ABCC12: variants seen among roughly 807,000 people sequenced by gnomAD.
The protein encoded by ABCC12 is ATP binding cassette subfamily C member 12, also known as ATP-binding cassette sub-family C member 12.
ABCC12 carries 142 observed loss-of-function variants against 151.1 expected under a neutral mutation model. The ratio of observed to expected loss-of-function variants is 0.94; its 90% CI spans 0.82 to 1.08. The LOEUF (loss-of-function observed/expected upper bound fraction) is 1.08, where lower values mean the gene tolerates loss of function less well. Among genes scored for constraint, ABCC12 ranks in the 50% least tolerant of loss-of-function variants. The pLI is 0.00. For synonymous variants in ABCC12, 645 were observed against 646.4 expected (o/e 1.00, Z 0.03); for missense variants, 1,638 against 1,691.1 (o/e 0.97, Z 0.55).
chr16:48,126,637 T>G (rs1293136173), intron 11 of ABCC12, among the ~76,000 whole-genome samples: 1 of 152,214 alleles, frequency 6.6e-6, no homozygotes, highest in Non-Finnish European at 1.5e-5. Context: ...AAATGGGTAC[T>G]TCTATGAAAT....
intron 9 of ABCC12, 70 bp downstream of exon 9, chr16:48,133,617 G>A (rs1964505416): frequency 6.4e-7 from 1 of 1,568,858 alleles, no homozygotes; most frequent in Non-Finnish European, 8.7e-7. Context: ...GCGACGGTAG[G>A]AAGGGCTTCC....
intron 25 of ABCC12, 79 bp downstream of exon 25, chr16:48,091,041 G>C (rs1416377820): frequency 7.3e-7 from 1 of 1,373,704 alleles, no homozygotes; most frequent in Admixed American, 1.7e-5. Flanking sequence ...GACCCCTTTC[G>C]CATCTAAAAA....
At chr16:48,099,646 T>C (rs937331596) in intron 23 of ABCC12, among the ~76,000 whole-genome samples, 2 of 152,206 alleles carry the variant, frequency 1.3e-5, no homozygotes, top group African/African-American at 4.8e-5. Context: ...GACTCCAATG[T>C]GGCCAAGGAA....
intron 11 of ABCC12, among the ~76,000 whole-genome samples, chr16:48,125,401 G>C (rs1964206804): frequency 6.6e-6 from 1 of 152,202 alleles, no homozygotes; most frequent in Admixed American, 6.5e-5. Flanking sequence ...ATGGAGGTGT[G>C]CAGAGCCCTT....
intron 5 of ABCC12, 86 bp from the exon 6 acceptor site, chr16:48,141,006 C>G: frequency 7.0e-7 from 1 of 1,430,952 alleles, no homozygotes; most frequent in South Asian, 1.3e-5. Context: ...AGCAAGCTGA[C>G]TTTAAGAGGC....
chr16:48,141,562 C>A (rs890870583), intron 4 of ABCC12, among the ~76,000 whole-genome samples: 38 of 152,208 alleles, frequency 2.5e-4, no homozygotes, highest in African/African-American at 8.7e-4. Context: ...AGCTGGTATG[C>A]CTGTGACATC....
chr16:48,117,903 G>A (rs976532460), intron 13 of ABCC12, among the ~76,000 whole-genome samples: 5 of 152,196 alleles, frequency 3.3e-5, no homozygotes, highest in African/African-American at 1.2e-4. Flanking sequence ...GCAACAACTC[G>A]GGATACTGAG....
chr16:48,103,043 G>C (rs1006623425), intron 22 of ABCC12, among the ~76,000 whole-genome samples: 3 of 152,150 alleles, frequency 2.0e-5, no homozygotes, highest in African/African-American at 7.2e-5. Flanking sequence ...TGACCTTTCT[G>C]TAGCTCCATT....
chr16:48,080,923 C>A lies in ABCC12; in HGVS notation c.*2792G>T, dbSNP rs757386377. On this transcript the variant is annotated 3_prime_UTR_variant, in exon 31 of 31. Transcript: ENST00000311303. ...GAAATTTATTGCTCACAGTTCTGGA[C>A]GCTGGGAAATCCATGGTCGAGGTGC... 6.6e-6 allele frequency among the ~76,000 whole-genome samples: 1 copy of A among 152,150 alleles called. No individual in the cohort carries two copies. Among genetic ancestry groups the A allele is most frequent in the Non-Finnish European group, 1.5e-5 (1 of 68,030 alleles).
At chr16:48,143,666 A>G (rs530049986) in intron 4 of ABCC12, among the ~76,000 whole-genome samples, 9 of 152,158 alleles carry the variant, frequency 5.9e-5, no homozygotes, top group Non-Finnish European at 1.3e-4. Flanking sequence ...TTGTGATAGT[A>G]AGTCTCATGA....
intron 25 of ABCC12, among the ~76,000 whole-genome samples, chr16:48,090,771 T>C (rs764545177): frequency 1.3e-5 from 2 of 152,036 alleles, no homozygotes; most frequent in Non-Finnish European, 2.9e-5. Flanking sequence ...CTTGTTGTCC[T>C]GGCTGGAGGG....
intron 14 of ABCC12, among the ~76,000 whole-genome samples, chr16:48,116,488 T>C (rs1029492166): frequency 2.6e-5 from 4 of 152,072 alleles, no homozygotes; most frequent in East Asian, 1.9e-4. Flanking sequence ...ACTCAAAGGA[T>C]AGTGATGTCA....
At chr16:48,095,064 G>C (rs1414901743) in intron 24 of ABCC12, among the ~76,000 whole-genome samples, 1 of 152,210 alleles carries the variant, frequency 6.6e-6, no homozygotes, top group Non-Finnish European at 1.5e-5. Context: ...GGGAAAAAAA[G>C]ACTCTAACTG....
chr16:48,106,277 G>A (rs931264247), intron 20 of ABCC12, among the ~76,000 whole-genome samples: 8 of 152,206 alleles, frequency 5.3e-5, no homozygotes, highest in Admixed American at 3.3e-4. Flanking sequence ...TTGTGCTGGG[G>A]CACCAGGGCC....
chr16:48,098,282 G>T (rs981406685), intron 23 of ABCC12, among the ~76,000 whole-genome samples: 2 of 152,128 alleles, frequency 1.3e-5, no homozygotes, highest in African/African-American at 4.8e-5. Context: ...CCCTGATCTA[G>T]TGGGGAAGGG....
In ABCC12 at chr16:48,081,736, G is replaced by C. The variant is rs1218814933; in HGVS notation, c.*1979C>G. Reference sequence around the variant, plus strand: ...TGCCAGAGTAAACCAAAGCGAGTGTGGGCAGAAAAGGAGTCATAGGAGGTG... The same window carrying C: ...TGCCAGAGTAAACCAAAGCGAGTGTCGGCAGAAAAGGAGTCATAGGAGGTG... On this transcript the variant is annotated 3_prime_UTR_variant, in exon 31 of 31. Coordinates refer to ENST00000311303, the MANE Select transcript of ABCC12 (RefSeq NM_001393797.1). Among the ~76,000 whole-genome samples the C allele has an allele frequency of 6.6e-6, 1 of 152,198 alleles. No individual in the cohort carries two copies. Among genetic ancestry groups the C allele is most frequent in the Non-Finnish European group, 1.5e-5 (1 of 68,034 alleles).
intron 11 of ABCC12, among the ~76,000 whole-genome samples, chr16:48,124,985 G>T (rs1324612391): frequency 6.6e-6 from 1 of 152,178 alleles, no homozygotes; most frequent in South Asian, 2.1e-4. Flanking sequence ...AAATAAAGCA[G>T]GGAAGAGACA....
At chr16:48,106,217 T>C (rs879412126) in intron 20 of ABCC12, among the ~76,000 whole-genome samples, 1 of 151,486 alleles carries the variant, frequency 6.6e-6, no homozygotes, top group African/African-American at 2.4e-5. Context: ...CTCTGGGGAG[T>C]TGAGGGATAG....
chr16:48,147,809 A>G (rs1240686185), intron 2 of ABCC12, among the ~76,000 whole-genome samples: 1 of 152,238 alleles, frequency 6.6e-6, no homozygotes, highest in Non-Finnish European at 1.5e-5. Flanking sequence ...TGAAAATCAT[A>G]ATGTCTTCAT....
Sources: allele counts gnomAD v4.1 joint callset (sites outside exome capture counted in the v4.1 genomes callset), GRCh38; gene constraint gnomAD v4.1.1; transcripts MANE v1.5; gene names NCBI Gene and HGNC (gene_info 2026-07-23, HGNC 2026-07-21).